SLC4A10: variants seen among roughly 807,000 people sequenced by gnomAD.
The protein encoded by SLC4A10 is solute carrier family 4 member 10.
A neutral mutation model predicts 137.7 loss-of-function variants in SLC4A10; 42 were observed. The observed-to-expected ratio is 0.30, with a 90% CI of 0.24 to 0.39. SLC4A10 has a LOEUF of 0.39. Ranked by LOEUF, SLC4A10 falls within the 10% of genes least tolerant of loss-of-function variation. The pLI, the probability that SLC4A10 is intolerant of heterozygous loss-of-function variation, is 1.00. For missense variants in SLC4A10, 925 were observed against 1,355.0 expected, an observed-to-expected ratio of 0.68 and a Z score of 4.98; for synonymous variants, 474 against 464.1, an observed-to-expected ratio of 1.02 and a Z score of -0.27.
At chr2:161,962,736 G>A (rs1183900734) in intron 21 of SLC4A10, among the ~76,000 whole-genome samples, 1 of 152,104 alleles carries the variant, frequency 6.6e-6, no homozygotes, top group African/African-American at 2.4e-5. Context: ...CTGAGGAAAG[G>A]AAGGCCATGT....
At chr2:161,850,881 G>T (rs974672752) in intron 4 of SLC4A10, among the ~76,000 whole-genome samples, 1 of 151,862 alleles carries the variant, frequency 6.6e-6, no homozygotes, top group African/African-American at 2.4e-5. Context: ...CACTGCTTTT[G>T]CCCTGTCCCA....
At chr2:161,903,442 G>C (rs1386574561) in intron 12 of SLC4A10, among the ~76,000 whole-genome samples, 3 of 152,150 alleles carry the variant, frequency 2.0e-5, no homozygotes, top group East Asian at 3.9e-4. Flanking sequence ...ACATTTAGAT[G>C]TCTTCCTGCA....
At chr2:161,632,369 G>T (rs1474813460) in intron 1 of SLC4A10, among the ~76,000 whole-genome samples, 1 of 151,382 alleles carries the variant, frequency 6.6e-6, no homozygotes, top group East Asian at 1.9e-4. Flanking sequence ...CTCTCCAAAT[G>T]CTTCTGATTT....
chr2:161,759,970 G>A (rs1217140316), intron 1 of SLC4A10, among the ~76,000 whole-genome samples: 1 of 151,828 alleles, frequency 6.6e-6, no homozygotes, highest in African/African-American at 2.4e-5. Flanking sequence ...CTTCTGTTTT[G>A]TTATTTTGTC....
chr2:161,716,999 G>A lies in SLC4A10; in HGVS notation c.49-53974G>A, dbSNP rs191898971. Among the ~76,000 whole-genome samples, 601 of 152,230 alleles carry A rather than the reference G, an allele frequency of 3.9e-3. 1 individual carries two copies. The highest frequency in any genetic ancestry group is 6.5e-3 in the Non-Finnish European group (444 of 68,006). ...TGAGCAGTGGTTTGTAGTTCTCCTTGAAGAGGTCCTTCACATTCCTTGTTA... is the reference window on the plus strand; with the variant it reads ...TGAGCAGTGGTTTGTAGTTCTCCTTAAAGAGGTCCTTCACATTCCTTGTTA... On this transcript the variant is annotated intron_variant, in intron 1 of 26. Coordinates refer to ENST00000446997, the MANE Select transcript of SLC4A10 (RefSeq NM_001178015.2).
intron 15 of SLC4A10, among the ~76,000 whole-genome samples, chr2:161,914,392 G>C (rs1686597114): frequency 6.6e-6 from 1 of 152,088 alleles, no homozygotes; most frequent in Non-Finnish European, 1.5e-5. Context: ...CTACAAGACT[G>C]TTTAAATATT....
At chr2:161,694,575 T>G (rs973072494) in intron 1 of SLC4A10, among the ~76,000 whole-genome samples, 4 of 151,998 alleles carry the variant, frequency 2.6e-5, no homozygotes, top group Non-Finnish European at 5.9e-5. Flanking sequence ...ACACCTGACT[T>G]TGTAAGGATC....
At chr2:161,913,383 C>G (rs1398390665) in intron 15 of SLC4A10, among the ~76,000 whole-genome samples, 2 of 152,006 alleles carry the variant, frequency 1.3e-5, no homozygotes, top group African/African-American at 4.8e-5. Flanking sequence ...TTTTTATATC[C>G]TTAATAACCA....
At chr2:161,825,936 A>G (rs750545962) in intron 3 of SLC4A10, among the ~76,000 whole-genome samples, 1 of 152,242 alleles carries the variant, frequency 6.6e-6, no homozygotes, top group South Asian at 2.1e-4. Context: ...CAAATTCTGC[A>G]TATAATCTTA....
chr2:161,842,517 A>G (rs2059245517), intron 4 of SLC4A10, among the ~76,000 whole-genome samples: 1 of 151,950 alleles, frequency 6.6e-6, no homozygotes, highest in South Asian at 2.1e-4. Context: ...TAAATCATTC[A>G]TTATTTTCTT....
intron 3 of SLC4A10, among the ~76,000 whole-genome samples, chr2:161,812,863 C>A (rs1365585092): frequency 6.6e-6 from 1 of 151,980 alleles, no homozygotes; most frequent in Non-Finnish European, 1.5e-5. Flanking sequence ...TGCTCTGTAT[C>A]CTTTTCCTCT....
At chr2:161,893,659 C>T (rs1296780579) in intron 10 of SLC4A10, among the ~76,000 whole-genome samples, 2 of 151,892 alleles carry the variant, frequency 1.3e-5, no homozygotes. Context: ...ATGACTGTGC[C>T]ACTGCATTCC....
chr2:161,776,266 A>G (rs2052319877), intron 2 of SLC4A10, among the ~76,000 whole-genome samples: 1 of 151,860 alleles, frequency 6.6e-6, no homozygotes, highest in Non-Finnish European at 1.5e-5. Context: ...TGTACAGTTC[A>G]GTAATGTTAA....
chr2:161,958,311 C>A (rs553628345), intron 20 of SLC4A10, among the ~76,000 whole-genome samples, 176 bp from the exon 21 acceptor site: 1 of 152,144 alleles, frequency 6.6e-6, no homozygotes, highest in African/African-American at 2.4e-5. Context: ...AGTAACTTAC[C>A]TAAGGTTACA....
At chr2:161,790,949 T>C (rs1295292760) in intron 2 of SLC4A10, among the ~76,000 whole-genome samples, 4 of 152,142 alleles carry the variant, frequency 2.6e-5, no homozygotes, top group Non-Finnish European at 5.9e-5. Flanking sequence ...ATGGCTATTA[T>C]TAAAACGTCA....
chr2:161,697,608 A>ATC (rs1481976738), intron 1 of SLC4A10, among the ~76,000 whole-genome samples: 2 of 152,190 alleles, frequency 1.3e-5, no homozygotes, highest in Non-Finnish European at 2.9e-5. Context: ...CAAAGATCAG[A>ATC]TGGCTGTAGA....
At chr2:161,802,395 T>A (rs992721336) in intron 2 of SLC4A10, among the ~76,000 whole-genome samples, 2 of 152,124 alleles carry the variant, frequency 1.3e-5, no homozygotes, top group African/African-American at 4.8e-5. Flanking sequence ...TTTTTTGCGT[T>A]TTATTGAAAA....
At chr2:161,966,642 A>G (rs1299509144) in intron 23 of SLC4A10, among the ~76,000 whole-genome samples, 1 of 151,664 alleles carries the variant, frequency 6.6e-6, no homozygotes, top group East Asian at 1.9e-4. Flanking sequence ...TCAGCTACTC[A>G]GGAGGCTGAG....
chr2:161,697,610 G>A (rs937860708), intron 1 of SLC4A10, among the ~76,000 whole-genome samples: 1 of 152,164 alleles, frequency 6.6e-6, no homozygotes, highest in Non-Finnish European at 1.5e-5. Context: ...AAGATCAGAT[G>A]GCTGTAGATG....
Sources: allele counts gnomAD v4.1 joint callset (sites outside exome capture counted in the v4.1 genomes callset), GRCh38; gene constraint gnomAD v4.1.1; transcripts MANE v1.5; gene names NCBI Gene and HGNC (gene_info 2026-07-23, HGNC 2026-07-21).